The following AFAP1L2 variants were observed in gnomAD, a reference collection of about 807,000 sequenced individuals.
AFAP1L2 encodes actin filament associated protein 1 like 2, also known as actin filament-associated protein 1-like 2.
Under a neutral mutation model 99.3 loss-of-function variants are expected in AFAP1L2, and 46 were observed. The observed-to-expected ratio is 0.46, with a 90% CI of 0.37 to 0.59. AFAP1L2 has a LOEUF of 0.59. Ranked by LOEUF, AFAP1L2 falls within the 20% of genes least tolerant of loss-of-function variation. The pLI is 0.00. For missense variants in AFAP1L2, 959 were observed against 1,034.9 expected (o/e 0.93, Z 1.01); for synonymous variants, 397 against 419.1 (o/e 0.95, Z 0.64).
Position 114,348,638 on chromosome 10 carries a change from G to A in AFAP1L2, c.17-7907C>T, listed in dbSNP as rs376026011. On this transcript the variant is annotated intron_variant, in intron 1 of 18. Coordinates refer to ENST00000304129, the MANE Select transcript of AFAP1L2 (RefSeq NM_001001936.3). ...AAGGCACCTCACTGCTGACTTTACA[G>A]GACGTGCTCTACTTTAAGTTCACGC... is the stretch of plus-strand genomic sequence containing the variant. Among the ~76,000 whole-genome samples, 6 of 152,324 alleles carry A rather than the reference G, an allele frequency of 3.9e-5. No homozygotes were observed. The East Asian group carries it at 1.2e-3, about 29-fold the overall frequency.
At chr10:114,325,779 CT>C in intron 4 of AFAP1L2, 11 of 1,098,240 alleles carry the variant, frequency 1.0e-5, no homozygotes, top group African/African-American at 1.6e-5. Flanking sequence ...CCTGGTCCCC[CT>C]GGTCAGCCAG....
At chr10:114,405,061 C>T (rs1250106729), upstream of AFAP1L2, among the ~76,000 whole-genome samples, 1 of 152,208 alleles carries the variant, frequency 6.6e-6, no homozygotes, top group Non-Finnish European at 1.5e-5. Context: ...GGGGATTGCT[C>T]CCACTCTCTT....
chr10:114,374,831 G>A (rs775221661), intron 1 of AFAP1L2, among the ~76,000 whole-genome samples: 1 of 141,538 alleles, frequency 7.1e-6, no homozygotes, highest in African/African-American at 2.5e-5. Context: ...ATGGAGGATG[G>A]GGGCAGAGGG....
chr10:114,286,052 C>CG, the AFAP1L2 span: 1 of 1,614,110 alleles, frequency 6.2e-7, no homozygotes, highest in Non-Finnish European at 8.5e-7. Context: ...GCGGTTTGTG[C>CG]GGGCCGTGCT....
intron 1 of AFAP1L2, among the ~76,000 whole-genome samples, chr10:114,378,144 C>G (rs2055049321): frequency 6.6e-6 from 1 of 152,220 alleles, no homozygotes; most frequent in African/African-American, 2.4e-5. Flanking sequence ...AAGAAGGATT[C>G]TTCTTTACCT....
intron 2 of AFAP1L2, among the ~76,000 whole-genome samples, chr10:114,335,454 A>T (rs2047815985): frequency 6.6e-6 from 1 of 152,078 alleles, no homozygotes; most frequent in African/African-American, 2.4e-5. Context: ...CTACTAAAAA[A>T]TACAAAAAAT....
the AFAP1L2 span, chr10:114,286,085 G>C: frequency 6.2e-7 from 1 of 1,614,172 alleles, no homozygotes; most frequent in Non-Finnish European, 8.5e-7. Context: ...TCGGGCCCGA[G>C]TGGGTGTGGC....
At chr10:114,366,760 G>A (rs985967271) in intron 1 of AFAP1L2, among the ~76,000 whole-genome samples, 1 of 152,194 alleles carries the variant, frequency 6.6e-6, no homozygotes, top group African/African-American at 2.4e-5. Flanking sequence ...GAGGTCAGGA[G>A]TTCAAGACCA....
intron 2 of AFAP1L2, among the ~76,000 whole-genome samples, chr10:114,336,066 T>C (rs879705719): frequency 6.6e-6 from 1 of 152,196 alleles, no homozygotes; most frequent in Non-Finnish European, 1.5e-5. Flanking sequence ...CTCTCTAAGA[T>C]GATGATTTGT....
At chr10:114,362,876 G>T in intron 1 of AFAP1L2, 1 of 896,840 alleles carries the variant, frequency 1.1e-6, no homozygotes, top group South Asian at 5.1e-5. Flanking sequence ...AAAAACTTCT[G>T]ATTTGAAAAC....
At chr10:114,362,739 C>T (rs575909204) in intron 1 of AFAP1L2, among the ~76,000 whole-genome samples, 12 of 152,124 alleles carry the variant, frequency 7.9e-5, no homozygotes, top group East Asian at 5.8e-4. Flanking sequence ...AATAGGGGTC[C>T]GTAGCTTTAG....
intron 1 of AFAP1L2, among the ~76,000 whole-genome samples, chr10:114,349,861 G>T (rs1460914803): frequency 1.3e-5 from 2 of 152,096 alleles, no homozygotes; most frequent in Admixed American, 6.5e-5. Flanking sequence ...CTCTGCTCCC[G>T]CCAAGCCTGG....
intron 1 of AFAP1L2, among the ~76,000 whole-genome samples, chr10:114,347,684 A>C (rs753194864): frequency 6.6e-5 from 10 of 151,832 alleles, no homozygotes; most frequent in Admixed American, 2.0e-4. Context: ...CTAATTTTTA[A>C]ATTTTTTGTA....
At chr10:114,286,539 C>G in the AFAP1L2 span, 1 of 1,513,898 alleles carries the variant, frequency 6.6e-7, no homozygotes, top group South Asian at 1.3e-5. Context: ...GACCCAGGAC[C>G]GCTGGTCAGT....
chr10:114,296,440 A>G, intron 18 of AFAP1L2: 1 of 265,034 alleles, frequency 3.8e-6, no homozygotes, highest in Non-Finnish European at 7.2e-6. Flanking sequence ...CATGTTCTTT[A>G]GTGTACAAAT....
At chr10:114,378,277 CAG>C (rs1279535261) in intron 1 of AFAP1L2, among the ~76,000 whole-genome samples, 1 of 152,200 alleles carries the variant, frequency 6.6e-6, no homozygotes, top group African/African-American at 2.4e-5. Context: ...TTCAGTCAGT[CAG>C]GGGCAAAACT....
chr10:114,404,940 G>T (rs1336944364), upstream of AFAP1L2, among the ~76,000 whole-genome samples: 1 of 152,188 alleles, frequency 6.6e-6, no homozygotes, highest in South Asian at 2.1e-4. Context: ...GTTGAGACTG[G>T]CTTAGAGCTC....
At chr10:114,293,278 A>T (rs1170428562), downstream of AFAP1L2, among the ~76,000 whole-genome samples, 1 of 152,252 alleles carries the variant, frequency 6.6e-6, no homozygotes, top group Non-Finnish European at 1.5e-5. Context: ...GATGCTGATC[A>T]GTGATGTCAT....
chr10:114,360,912 C>T lies in AFAP1L2; in HGVS notation c.17-20181G>A, dbSNP rs75149750. The stretch of plus-strand genomic sequence containing the variant: ...CCTGCATCATTACAATGATTTCCTC[C>T]TGCATTAGTCTGTTTTCATGCTGCT... On this transcript the variant is annotated intron_variant, in intron 1 of 18. Coordinates refer to ENST00000304129, the MANE Select transcript of AFAP1L2 (RefSeq NM_001001936.3). Among the ~76,000 whole-genome samples, 211 of 152,262 alleles carry T rather than the reference C, an allele frequency of 1.4e-3. 1 individual carries two copies. Among genetic ancestry groups the T allele is most frequent in the African/African-American group, 4.7e-3 (195 of 41,544 alleles).
Sources: gnomAD v4.1 joint callset for allele counts (sites outside exome capture counted in the v4.1 genomes callset) on GRCh38, gnomAD v4.1.1 for gene constraint, MANE v1.5 for transcripts, NCBI Gene and HGNC (gene_info 2026-07-23, HGNC 2026-07-21) for gene names.